The following GNB4 variants were observed in gnomAD, a reference collection of about 807,000 sequenced individuals.
The protein encoded by GNB4 is guanine nucleotide-binding protein subunit beta-4.
In GNB4, 28 loss-of-function variants were observed where a neutral mutation model predicts 45.2. That is an observed-to-expected ratio of 0.62 (90% CI 0.46 to 0.85). GNB4 has a LOEUF of 0.85. Among genes scored for constraint, GNB4 ranks in the 40% least tolerant of loss-of-function variants. The pLI is 0.00. For missense variants in GNB4, 321 were observed against 425.4 expected (o/e 0.75, Z 2.16); for synonymous variants, 132 against 143.7 (o/e 0.92, Z 0.58).
At chr3:179,423,109 A>G (rs1175983411) in intron 2 of GNB4, among the ~76,000 whole-genome samples, 1 of 152,142 alleles carries the variant, frequency 6.6e-6, no homozygotes, top group Non-Finnish European at 1.5e-5. Context: ...TTTTAAATAT[A>G]GTGTGACAAT....
chr3:179,432,924 G>A (rs1715347131), intron 1 of GNB4, among the ~76,000 whole-genome samples: 1 of 152,136 alleles, frequency 6.6e-6, no homozygotes, highest in African/African-American at 2.4e-5. Flanking sequence ...AGTGGAGGGG[G>A]GGTGGAAATT....
chr3:179,523,441 T>C, the GNB4 span, among the ~76,000 whole-genome samples: 1 of 152,028 alleles, frequency 6.6e-6, no homozygotes, highest in Non-Finnish European at 1.5e-5. Context: ...GGAGGGATTG[T>C]GGAGGGAGGT....
At chr3:179,482,896 A>G in the GNB4 span, among the ~76,000 whole-genome samples, 4 of 152,140 alleles carry the variant, frequency 2.6e-5, no homozygotes, top group African/African-American at 7.2e-5. Context: ...TTTTCTCCCC[A>G]TAAAAGTTAG....
the GNB4 span, among the ~76,000 whole-genome samples, chr3:179,458,279 A>G: frequency 6.6e-6 from 1 of 152,158 alleles, no homozygotes; most frequent in Non-Finnish European, 1.5e-5. Context: ...GACAGCAGCA[A>G]ATAAGGGCTT....
the GNB4 span, among the ~76,000 whole-genome samples, chr3:179,517,171 A>G: frequency 3.3e-5 from 5 of 152,100 alleles, no homozygotes; most frequent in African/African-American, 1.2e-4. Context: ...TTCCACCACA[A>G]AAGAAGTGAA....
intron 1 of GNB4, 45 bp from the exon 2 acceptor site, chr3:179,426,287 A>C: frequency 1.0e-6 from 1 of 978,700 alleles, no homozygotes; most frequent in South Asian, 1.6e-5. Context: ...TTCTCTACTT[A>C]CATCTTAATC....
chr3:179,497,994 C>A, the GNB4 span, among the ~76,000 whole-genome samples: 3 of 152,098 alleles, frequency 2.0e-5, no homozygotes, highest in African/African-American at 7.2e-5. Flanking sequence ...AGGTTTCCCA[C>A]AAATTAAAAA....
chr3:179,493,165 A>C, the GNB4 span, among the ~76,000 whole-genome samples: 1 of 152,190 alleles, frequency 6.6e-6, no homozygotes, highest in Non-Finnish European at 1.5e-5. Context: ...CAAGAAACTC[A>C]AAAAGACAAG....
Position 179,396,409 on chromosome 3 carries a change from G to C in GNB4, c.*4804C>G, listed in dbSNP as rs1292105429. 1 of 152,194 alleles carries C rather than the reference G, an allele frequency of 6.6e-6. No homozygotes were observed. The highest frequency in any genetic ancestry group is 6.5e-5 in the Admixed American group (1 of 15,280). The allele number at this position is 152,194 out of a possible 1,614,324, so 9.4% of individuals were successfully genotyped here. On this transcript the variant is annotated 3_prime_UTR_variant, in exon 10 of 10. Transcript: ENST00000232564. Reference sequence around the variant, plus strand: ...TTTAAAAACACACTTAGATGTGGATGCCTTTGGATAGGAAAATAGAAATGC... The same window carrying C: ...TTTAAAAACACACTTAGATGTGGATCCCTTTGGATAGGAAAATAGAAATGC...
intron 1 of GNB4, among the ~76,000 whole-genome samples, chr3:179,440,256 T>A (rs1026800577): frequency 3.3e-5 from 5 of 152,134 alleles, no homozygotes; most frequent in African/African-American, 1.2e-4. Context: ...CTTGAAGAAA[T>A]ATAAGAATGA....
chr3:179,444,326 C>CAA (rs1389985874), intron 1 of GNB4, among the ~76,000 whole-genome samples: 4 of 151,752 alleles, frequency 2.6e-5, no homozygotes, highest in African/African-American at 7.3e-5. Flanking sequence ...GTAAGGTTAA[C>CAA]ACAAACCATG....
At chr3:179,444,834 A>T (rs918610309) in intron 1 of GNB4, among the ~76,000 whole-genome samples, 1 of 152,244 alleles carries the variant, frequency 6.6e-6, no homozygotes, top group African/African-American at 2.4e-5. Context: ...TAATGTATAT[A>T]ATTTACGTCA....
the GNB4 span, among the ~76,000 whole-genome samples, chr3:179,479,143 G>A: frequency 6.6e-6 from 1 of 152,068 alleles, no homozygotes; most frequent in South Asian, 2.1e-4. Flanking sequence ...TCTATTTTCT[G>A]TAGAAATGGG....
chr3:179,401,610 A>G (rs1399153134), intron 9 of GNB4, among the ~76,000 whole-genome samples: 2 of 152,204 alleles, frequency 1.3e-5, no homozygotes, highest in African/African-American at 4.8e-5. Flanking sequence ...ATATCTAGGA[A>G]AACATATGCA....
chr3:179,489,046 A>ATATATATATT, the GNB4 span, among the ~76,000 whole-genome samples: 491 of 38,646 alleles, frequency 0.013, 45 homozygotes, highest in East Asian at 0.041. Context: ...ATATATATAT[A>ATATATATATT]ATATATATGT....
At chr3:179,477,189 C>G in the GNB4 span, among the ~76,000 whole-genome samples, 1 of 151,994 alleles carries the variant, frequency 6.6e-6, no homozygotes, top group Admixed American at 6.6e-5. Context: ...CCTTGGTTTA[C>G]TCTCCTGAAC....
chr3:179,402,102 TC>T (rs1172684994), intron 9 of GNB4, among the ~76,000 whole-genome samples: 1 of 152,228 alleles, frequency 6.6e-6, no homozygotes, highest in Non-Finnish European at 1.5e-5. Context: ...CTTAATATTC[TC>T]TATAGTATCT....
chr3:179,419,574 C>G, intron 3 of GNB4, 69 bp from the exon 4 acceptor site: 8 of 942,172 alleles, frequency 8.5e-6, no homozygotes, highest in Non-Finnish European at 1.4e-5. Context: ...GAACTAGAAA[C>G]AGTGAGGAGT....
At chr3:179,402,212 G>C (rs1237971111) in intron 9 of GNB4, among the ~76,000 whole-genome samples, 1 of 152,186 alleles carries the variant, frequency 6.6e-6, no homozygotes, top group African/African-American at 2.4e-5. Context: ...TCACACTGGA[G>C]AGGGAAATGA....
Sources: gnomAD v4.1 joint callset for allele counts (sites outside exome capture counted in the v4.1 genomes callset) on GRCh38, gnomAD v4.1.1 for gene constraint, MANE v1.5 for transcripts, NCBI Gene and HGNC (gene_info 2026-07-23, HGNC 2026-07-21) for gene names.